TGFBR2: variants seen among roughly 807,000 people sequenced by gnomAD.
TGFBR2 encodes TGF-beta receptor type-2.
A neutral mutation model predicts 49.0 loss-of-function variants in TGFBR2; 18 were observed. The ratio of observed to expected loss-of-function variants is 0.37; its 90% CI spans 0.25 to 0.54. The LOEUF (loss-of-function observed/expected upper bound fraction) is 0.54, where lower values mean the gene tolerates loss of function less well. Ranked by LOEUF, TGFBR2 falls within the 20% of genes least tolerant of loss-of-function variation. The pLI is 0.85. For synonymous variants in TGFBR2, 282 were observed against 275.9 expected, an observed-to-expected ratio of 1.02 and a Z score of -0.22; for missense variants, 525 against 722.6, an observed-to-expected ratio of 0.73 and a Z score of 3.13.
intron 3 of TGFBR2, among the ~76,000 whole-genome samples, chr3:30,668,568 T>G (rs3773641): frequency 0.25 from 37,822 of 152,000 alleles, 5,382 homozygotes; most frequent in East Asian, 0.69. Context: ...TCCATACATC[T>G]CCACAAGAGC....
At chr3:30,607,663 A>G (rs1328808653) in intron 1 of TGFBR2, among the ~76,000 whole-genome samples, 1 of 151,884 alleles carries the variant, frequency 6.6e-6, no homozygotes, top group South Asian at 2.1e-4. Flanking sequence ...GCCTGGAACA[A>G]GATAGTCCTG....
chr3:30,670,798 C>T (rs1476836486), intron 3 of TGFBR2, among the ~76,000 whole-genome samples: 1 of 152,212 alleles, frequency 6.6e-6, no homozygotes, highest in African/African-American at 2.4e-5. Flanking sequence ...TTTACCTTTG[C>T]GGCCATGTTT....
At chr3:30,647,155 C>T (rs781444606) in intron 2 of TGFBR2, among the ~76,000 whole-genome samples, 10 of 152,172 alleles carry the variant, frequency 6.6e-5, no homozygotes, top group Non-Finnish European at 1.5e-4. Context: ...AGCCTTCCCT[C>T]CAGTGATGGG....
chr3:30,671,624 T>G lies in TGFBR2; in HGVS notation c.455-14T>G. 1 of 1,614,172 alleles carries G rather than the reference T, an allele frequency of 6.2e-7. No homozygotes were observed. The highest frequency in any genetic ancestry group is 8.5e-7 in the Non-Finnish European group (1 of 1,179,974). Reference sequence around the variant, plus strand: ...CATCCAACTCCTTCTCTCCTTGTTTTGTTTCCCCATCAGAATATAACACCA... The same window carrying G: ...CATCCAACTCCTTCTCTCCTTGTTTGGTTTCCCCATCAGAATATAACACCA... On this transcript the variant is annotated splice_polypyrimidine_tract_variant and intron_variant, in intron 3 of 6. Coordinates refer to ENST00000295754, the MANE Select transcript of TGFBR2 (RefSeq NM_003242.6).
At chr3:30,666,806 AT>A (rs5847639) in intron 3 of TGFBR2, among the ~76,000 whole-genome samples, 94,230 of 147,422 alleles carry the variant, frequency 0.64, 30,413 homozygotes, top group Non-Finnish European at 0.7. Flanking sequence ...TGTCTGGCTA[AT>A]TTTTTTTTTT....
intron 1 of TGFBR2, among the ~76,000 whole-genome samples, chr3:30,642,382 A>G (rs911886655): frequency 6.6e-6 from 1 of 152,122 alleles, no homozygotes; most frequent in African/African-American, 2.4e-5. Flanking sequence ...TGGGTTCTCA[A>G]CCTTGGTTCC....
chr3:30,665,812 C>T (rs1699232937), intron 3 of TGFBR2, among the ~76,000 whole-genome samples: 1 of 152,132 alleles, frequency 6.6e-6, no homozygotes, highest in Non-Finnish European at 1.5e-5. Context: ...GCCTGTGGAC[C>T]CCTTCTCACT....
At chr3:30,611,290 C>A (rs1698025060) in intron 1 of TGFBR2, among the ~76,000 whole-genome samples, 1 of 152,194 alleles carries the variant, frequency 6.6e-6, no homozygotes, top group South Asian at 2.1e-4. Context: ...TAAGCAGTCA[C>A]TGTTTGTTAG....
chr3:30,617,444 T>C (rs1242491475), intron 1 of TGFBR2, among the ~76,000 whole-genome samples: 3 of 152,224 alleles, frequency 2.0e-5, no homozygotes, highest in African/African-American at 7.2e-5. Context: ...AATCTAATAA[T>C]AACATTTTAT....
rs1698699780 is a variant in TGFBR2, at chr3:30,644,766, C to T, written c.114C>T (p.Val38=). 1 of 1,614,086 alleles carries T rather than the reference C, an allele frequency of 6.2e-7. No homozygotes were observed. Among genetic ancestry groups the T allele is most frequent in the African/African-American group, 1.3e-5 (1 of 75,046 alleles). ...VQKSVNNDMI[V]TDNNGAVKFP... ...CCTCAGTTAATAACGACATGATAGT[C>T]ACTGACAACAACGGTGCAGTCAAGT... Residue 38 remains valine (V), a synonymous_variant, in exon 2 of 7, where the codon GTC becomes GTT. Coordinates refer to ENST00000295754, the MANE Select transcript of TGFBR2 (RefSeq NM_003242.6).
At chr3:30,664,730 G>A (rs1053592941) in intron 3 of TGFBR2, among the ~76,000 whole-genome samples, 24 of 152,172 alleles carry the variant, frequency 1.6e-4, no homozygotes, top group Admixed American at 1.4e-3. Flanking sequence ...TTGTTATGCC[G>A]ACACCAGTTC....
At chr3:30,687,330 C>CT (rs1559471950) in intron 5 of TGFBR2, among the ~76,000 whole-genome samples, 1 of 152,222 alleles carries the variant, frequency 6.6e-6, no homozygotes, top group South Asian at 2.1e-4. Flanking sequence ...ATTTCTCAAC[C>CT]TTTTTTAAAA....
At position 30,672,034 on chromosome 3, in the gene TGFBR2, A is replaced by C; in HGVS notation, c.851A>C (p.Tyr284Ser). ...VAVKIFPYEE[Y>S]ASWKTEKDIF... is the part of the protein sequence containing the mutation. ...GTCAAGATCTTTCCCTATGAGGAGT[A>C]TGCCTCTTGGAAGACAGAGAAGGAC... Residue 284 changes from tyrosine to serine, a missense_variant, in exon 4 of 7, where the codon TAT becomes TCT. By Grantham distance (144) the Tyr-to-Ser change is moderately radical. Transcript: ENST00000295754. This position sits in a 1 kb window ranked among gnomAD's most constrained non-coding sequence, Gnocchi z 4.5. 1 of 1,614,236 alleles carries C rather than the reference A, an allele frequency of 6.2e-7. No individual in the cohort carries two copies. The highest frequency in any genetic ancestry group is 8.5e-7 in the Non-Finnish European group (1 of 1,180,036).
rs1699435489 is a variant in TGFBR2, at chr3:30,676,226, G to A, written c.1396+1980G>A. Among the ~76,000 whole-genome samples the A allele has an allele frequency of 6.6e-6, 1 of 152,150 alleles. No homozygotes were observed. Among genetic ancestry groups the A allele is most frequent in the Non-Finnish European group, 1.5e-5 (1 of 68,030 alleles). On this transcript the variant is annotated intron_variant, in intron 5 of 6. Transcript: ENST00000295754. This position sits in a 1 kb window ranked among gnomAD's most constrained non-coding sequence, Gnocchi z 4.3. ...AAATTTGGTCCTTTGGTTAAAGTGG[G>A]ACCTGCTGCTATTTGTCCATTTGTA... is the stretch of plus-strand genomic sequence containing the variant.
At chr3:30,689,082 A>G (rs1360139328) in intron 6 of TGFBR2, among the ~76,000 whole-genome samples, 1 of 152,222 alleles carries the variant, frequency 6.6e-6, no homozygotes, top group African/African-American at 2.4e-5. Flanking sequence ...AGCAAAGAAG[A>G]GGAGAATGCC....
In TGFBR2 at chr3:30,650,400, A is replaced by G. The variant is rs146497045; in HGVS notation, c.394A>G (p.Thr132Ala). 5.0e-6 allele frequency: 8 copies of G among 1,613,610 alleles called. No individual in the cohort carries two copies. In the African/African-American group the frequency reaches 9.4e-5, roughly 19 times the overall value. Residue 132 changes from threonine (T) to alanine (A), a missense_variant, in exon 3 of 7, where the codon ACT becomes GCT. This residue lies in a region of TGFBR2 where 376 missense variants were observed against 478.2 expected (regional missense o/e 0.79). Coordinates refer to ENST00000295754, the MANE Select transcript of TGFBR2 (RefSeq NM_003242.6). ...GAAGGAAAAAAAAAAGCCTGGTGAG[A>G]CTTTCTTCATGTGTTCCTGTAGCTC... ...IMKEKKKPGE[T>A]FFMCSCSSDE... is the part of the protein sequence containing the mutation.
At chr3:30,641,878 T>C (rs1300190512) in intron 1 of TGFBR2, among the ~76,000 whole-genome samples, 2 of 151,856 alleles carry the variant, frequency 1.3e-5, no homozygotes, top group African/African-American at 4.8e-5. Flanking sequence ...TTCTCTCTCC[T>C]CCCCCTCCCT....
In TGFBR2 at chr3:30,641,676, G is replaced by T. The variant is rs537751745; in HGVS notation, c.95-3071G>T. ...TGCTCAGCATGTGCAAATTCTTATT[G>T]TACACTGCCCTTCCCACCATATGCC... On this transcript the variant is annotated intron_variant, in intron 1 of 6. Coordinates refer to ENST00000295754, the MANE Select transcript of TGFBR2 (RefSeq NM_003242.6). Among the ~76,000 whole-genome samples, 5 of 152,184 alleles carry T rather than the reference G, an allele frequency of 3.3e-5. No homozygotes were observed. In the South Asian group the frequency reaches 8.3e-4, roughly 25 times the overall value.
intron 1 of TGFBR2, among the ~76,000 whole-genome samples, chr3:30,614,057 G>A (rs1698084550): frequency 1.4e-5 from 2 of 146,746 alleles, no homozygotes; most frequent in Non-Finnish European, 3.0e-5. Context: ...GGGAAATGTA[G>A]TTTTTCTTAG....
Sources: allele counts gnomAD v4.1 joint callset (sites outside exome capture counted in the v4.1 genomes callset), GRCh38; gene constraint gnomAD v4.1.1; regional missense constraint gnomAD v4.1.1; non-coding constraint Gnocchi (gnomAD v3.1); transcripts MANE v1.5; gene names NCBI Gene and HGNC (gene_info 2026-07-23, HGNC 2026-07-21).